The following GABRG2 variants were observed in gnomAD, a reference collection of about 807,000 sequenced individuals.
The protein encoded by GABRG2 is gamma-aminobutyric acid receptor subunit gamma-2.
In GABRG2, 16 loss-of-function variants were observed where a neutral mutation model predicts 56.4. The observed-to-expected ratio is 0.28, with a 90% confidence interval of 0.19 to 0.43. The LOEUF (loss-of-function observed/expected upper bound fraction) is 0.43, where lower values mean the gene tolerates loss of function less well. Among genes scored for constraint, GABRG2 ranks in the 20% least tolerant of loss-of-function variants. The pLI, the probability that GABRG2 is intolerant of heterozygous loss-of-function variation, is 1.00. For missense variants in GABRG2, 327 were observed against 582.7 expected (o/e 0.56, Z 4.52); for synonymous variants, 208 against 205.5 (o/e 1.01, Z -0.10).
chr5:162,078,999 A>G (rs1488448661), intron 1 of GABRG2, among the ~76,000 whole-genome samples: 2 of 149,980 alleles, frequency 1.3e-5, no homozygotes, highest in Non-Finnish European at 3.0e-5. Context: ...ATTTGTTTAA[A>G]TTAAATAGAT....
intron 7 of GABRG2, among the ~76,000 whole-genome samples, chr5:162,145,612 T>G (rs17060118): frequency 0.11 from 17,315 of 152,250 alleles, 1,057 homozygotes; most frequent in Non-Finnish European, 0.14. Context: ...AAGAGTCTAC[T>G]TCTACATGGC....
intron 6 of GABRG2, among the ~76,000 whole-genome samples, chr5:162,130,946 G>T (rs1763698455): frequency 6.6e-6 from 1 of 151,900 alleles, no homozygotes; most frequent in South Asian, 2.1e-4. Flanking sequence ...CTTGATTCAA[G>T]AGAGCTTATC....
At chr5:162,075,813 T>C (rs1759055025) in intron 1 of GABRG2, among the ~76,000 whole-genome samples, 1 of 152,060 alleles carries the variant, frequency 6.6e-6, no homozygotes. Flanking sequence ...TACTTGTTAA[T>C]AGCATAAGCT....
At chr5:162,094,549 A>G (rs1410374837) in intron 2 of GABRG2, 1 of 157,878 alleles carries the variant, frequency 6.3e-6, no homozygotes, top group Non-Finnish European at 1.4e-5. Flanking sequence ...CCAGAGAGTA[A>G]GTAGAAGCTC....
At chr5:162,149,449 C>T in intron 8 of GABRG2, 136 bp downstream of exon 8, 1 of 794,374 alleles carries the variant, frequency 1.3e-6, no homozygotes, top group South Asian at 1.4e-5. Context: ...TTTAGCCAGG[C>T]CATAACGATT....
chr5:162,102,573 G>T (rs568361993), intron 5 of GABRG2: 1 of 454,186 alleles, frequency 2.2e-6, no homozygotes, highest in Non-Finnish European at 4.4e-6. Context: ...CTATTGCCCA[G>T]GCTGGAATGT....
intron 6 of GABRG2, among the ~76,000 whole-genome samples, chr5:162,104,685 G>A (rs1052457054): frequency 7.5e-4 from 114 of 152,268 alleles, no homozygotes; most frequent in African/African-American, 2.7e-3. Flanking sequence ...CACATAGTGA[G>A]CACTTGGTCA....
At chr5:162,123,316 A>C (rs992975229) in intron 6 of GABRG2, among the ~76,000 whole-genome samples, 3 of 151,772 alleles carry the variant, frequency 2.0e-5, no homozygotes, top group African/African-American at 7.2e-5. Flanking sequence ...GTCATGGATA[A>C]GATATAATCA....
chr5:162,151,141 G>A (rs1158959719), intron 8 of GABRG2: 1 of 152,910 alleles, frequency 6.5e-6, no homozygotes, highest in Non-Finnish European at 1.5e-5. Flanking sequence ...AGATTTTGTT[G>A]CAAAGATAGA....
At chr5:162,104,409 T>C (rs1761653090) in intron 6 of GABRG2, among the ~76,000 whole-genome samples, 1 of 152,184 alleles carries the variant, frequency 6.6e-6, no homozygotes. Flanking sequence ...AAAGTAAGCA[T>C]AGTGGATATG....
chr5:162,117,912 A>G (rs1762727868), intron 6 of GABRG2, among the ~76,000 whole-genome samples: 1 of 152,166 alleles, frequency 6.6e-6, no homozygotes, highest in Non-Finnish European at 1.5e-5. Flanking sequence ...CAGATGCTAA[A>G]GCCAACTTTT....
At chr5:162,105,814 TACACACACAC>T (rs67276484) in intron 6 of GABRG2, among the ~76,000 whole-genome samples, 2 of 147,468 alleles carry the variant, frequency 1.4e-5, no homozygotes, top group South Asian at 2.2e-4. Flanking sequence ...AGAAAACACA[TACACACACAC>T]ACACACACAC....
intron 1 of GABRG2, among the ~76,000 whole-genome samples, chr5:162,072,186 A>G (rs1315535402): frequency 6.6e-6 from 1 of 151,922 alleles, no homozygotes; most frequent in African/African-American, 2.4e-5. Flanking sequence ...GTTTCATTCC[A>G]AGGATTTCCG....
chr5:162,124,958 ATGTGTGTGTG>A (rs55993809), intron 6 of GABRG2, among the ~76,000 whole-genome samples: 14 of 143,980 alleles, frequency 9.7e-5, no homozygotes, highest in East Asian at 4.1e-4. Flanking sequence ...GTATAAAGAG[ATGTGTGTGTG>A]TGTGTGTGTG....
At chr5:162,115,479 C>G (rs974831971) in intron 6 of GABRG2, among the ~76,000 whole-genome samples, 6 of 149,362 alleles carry the variant, frequency 4.0e-5, no homozygotes, top group African/African-American at 1.5e-4. Flanking sequence ...GGAAGGGGAC[C>G]AGGGTGTTGC....
chr5:162,152,493 G>A (rs775177828), intron 9 of GABRG2: 1 of 461,722 alleles, frequency 2.2e-6, no homozygotes, highest in Non-Finnish European at 4.3e-6. Context: ...GGTAAACATT[G>A]TTGACATTCT....
chr5:162,097,594 TCTTA>T (rs1761093232), intron 3 of GABRG2, 40 bp from the exon 4 acceptor site: 1 of 1,359,518 alleles, frequency 7.4e-7, no homozygotes, highest in South Asian at 1.2e-5. Context: ...AAAAAGATAA[TCTTA>T]CTGTGTACAA....
At chr5:162,124,713 T>C (rs1456738925) in intron 6 of GABRG2, among the ~76,000 whole-genome samples, 1 of 151,748 alleles carries the variant, frequency 6.6e-6, no homozygotes, top group African/African-American at 2.4e-5. Context: ...AAAATCTGCA[T>C]TTAGAATCTC....
In GABRG2 at chr5:162,143,359, T is replaced by G. The variant is rs563590680; in HGVS notation, c.922+1043T>G. Among the ~76,000 whole-genome samples the G allele has an allele frequency of 1.2e-4, 19 of 152,288 alleles. No individual in the cohort carries two copies. The South Asian group carries it at 3.5e-3, about 28-fold the overall frequency. ...AAAACATATTTACCTGTGAAATTTT[T>G]GGGGGAAAAGCGACTCTTAAGATTA... On this transcript the variant is annotated intron_variant, in intron 7 of 9. Coordinates refer to ENST00000639213, the MANE Select transcript of GABRG2 (RefSeq NM_198904.4).
Sources: allele counts gnomAD v4.1 joint callset (sites outside exome capture counted in the v4.1 genomes callset), GRCh38; gene constraint gnomAD v4.1.1; transcripts MANE v1.5; gene names NCBI Gene and HGNC (gene_info 2026-07-23, HGNC 2026-07-21).